The following FANCG variants were observed in gnomAD, a reference collection of about 807,000 sequenced individuals.
FANCG encodes the protein Fanconi anemia group G protein.
Under a neutral mutation model 73.3 loss-of-function variants are expected in FANCG, and 67 were observed. The observed-to-expected ratio is 0.91, with a 90% CI of 0.75 to 1.12. FANCG has a LOEUF of 1.12. Among genes scored for constraint, FANCG ranks in the 50% most tolerant of loss-of-function variants. The pLI, the probability that FANCG is intolerant of heterozygous loss-of-function variation, is 0.00. For missense variants in FANCG, 643 were observed against 735.6 expected (o/e 0.87, Z 1.46); for synonymous variants, 297 against 311.6 (o/e 0.95, Z 0.49).
At chr9:35,076,924 T>C (rs776219739) in intron 6 of FANCG, 47 bp downstream of exon 6, 1 of 1,614,170 alleles carries the variant, frequency 6.2e-7, no homozygotes, top group African/African-American at 1.3e-5. Context: ...CAAAAAGCTA[T>C]ACATAATGCT....
In FANCG at chr9:35,075,901, T is replaced by C. The variant is rs1489366368; in HGVS notation, c.1143+61A>G. ...AAAACAAAAAATTGCAGTCTTGCTG[T>C]ATTTCAAAGGGGACACCAACCCGTC... On this transcript the variant is annotated intron_variant, in intron 9 of 13. Coordinates refer to ENST00000378643, the MANE Select transcript of FANCG (RefSeq NM_004629.2). 1.9e-6 allele frequency: 3 copies of C among 1,590,404 alleles called. No individual in the cohort carries two copies. In the East Asian group the frequency reaches 6.7e-5, roughly 36 times the overall value.
chr9:35,075,483 G>A lies in FANCG; in HGVS notation c.1415C>T (p.Ala472Val). 6.2e-7 allele frequency: 1 copy of A among 1,614,140 alleles called. No individual in the cohort carries two copies. The highest frequency in any genetic ancestry group is 8.5e-7 in the Non-Finnish European group (1 of 1,180,020). The part of the protein sequence containing the change: ...AWVQLGAQKV[A>V]ISEFSRCLEL... ...GGCTCACCTGCTAAATTCACTAATT[G>A]CCACTTTTTGGGCACCCAGTTGAAC... Residue 472 changes from alanine (A) to valine (V), a missense_variant, in exon 10 of 14, where the codon GCA (alanine) becomes GTA (valine). Ala to Val is a moderately conservative substitution (Grantham distance 64, BLOSUM62 0). Transcript: ENST00000378643.
At position 35,074,140 on chromosome 9, in the gene FANCG, G is replaced by T; in HGVS notation, c.1837C>A (p.Arg613=). ...SDRDAFLEEF[R]TSLPKSCDL ...TCACAAGACTTTGGCAGAGATGTCC[G>T]AAATTCTTCAAGGAAGGCGTCACGA... The change falls in exon 14 of 14, where the codon CGG becomes AGG. Residue 613 remains arginine, a synonymous_variant. Transcript: ENST00000378643. 6.2e-7 allele frequency: 1 copy of T among 1,614,194 alleles called. No homozygotes were observed. The highest frequency in any genetic ancestry group is 8.5e-7 in the Non-Finnish European group (1 of 1,180,026).
chr9:35,075,239 A>G (rs764992166), intron 11 of FANCG, 40 bp downstream of exon 11: 1 of 1,611,608 alleles, frequency 6.2e-7, no homozygotes. Context: ...CACCACTACC[A>G]CTTCCAGGAG....
intron 3 of FANCG, 125 bp from the exon 4 acceptor site, chr9:35,078,468 A>C: frequency 1.3e-6 from 2 of 1,517,100 alleles, no homozygotes; most frequent in Non-Finnish European, 1.8e-6. Context: ...TAATACCTCA[A>C]CCTGGTCTGA....
intron 13 of FANCG, 34 bp from the exon 14 acceptor site, chr9:35,074,250 A>C: frequency 6.2e-7 from 1 of 1,612,482 alleles, no homozygotes; most frequent in Non-Finnish European, 8.5e-7. Flanking sequence ...CTAAGGGTGA[A>C]AGATTGGCAG....
chr9:35,076,822 CCT>C lies in FANCG; in HGVS notation c.824_825del (p.Glu275GlyfsTer13), dbSNP rs867467817. 1.2e-6 allele frequency: 2 copies of C among 1,614,176 alleles called. No homozygotes were observed. The highest frequency in any genetic ancestry group is 1.7e-6 in the Non-Finnish European group (2 of 1,180,030). On this transcript the variant is annotated frameshift_variant, in exon 7 of 14. Coordinates refer to ENST00000378643, the MANE Select transcript of FANCG (RefSeq NM_004629.2). LOFTEE classifies it high-confidence loss of function. ...AGAAGTGGAGGACCCCAGGCTGATCCCTCTTTCAGGGCTGCAACCAAGTACAA... is the reference window on the plus strand; with the variant it reads ...AGAAGTGGAGGACCCCAGGCTGATCCCTTTCAGGGCTGCAACCAAGTACAA... ...ALLYLVAALKEGSAWGPPLLE... is the reference protein window; with the variant it reads ...ALLYLVAALKXGSAWGPPLLE...
chr9:35,079,332 G>T lies in FANCG; in HGVS notation c.85-91C>A, dbSNP rs898071272. On this transcript the variant is annotated intron_variant, in intron 1 of 13. Coordinates refer to ENST00000378643, the MANE Select transcript of FANCG (RefSeq NM_004629.2). ...AGGGATGCATTCTCCAGTCATTTCT[G>T]GCTCTTTGGTCAAGCTCAGTCCCTC... 1.9e-6 allele frequency: 3 copies of T among 1,549,316 alleles called. No homozygotes were observed. The African/African-American group carries it at 4.1e-5, about 21-fold the overall frequency.
chr9:35,074,685 A>G (rs1587139000), intron 12 of FANCG, 191 bp from the exon 13 acceptor site: 9 of 881,934 alleles, frequency 1.0e-5, no homozygotes, highest in Non-Finnish European at 1.6e-5. Flanking sequence ...TGTGCAACCC[A>G]CAACAGCAGA....
chr9:35,074,904 C>G (rs375978168), intron 12 of FANCG, 23 bp downstream of exon 12: 2 of 1,613,652 alleles, frequency 1.2e-6, no homozygotes, highest in African/African-American at 2.7e-5. Context: ...TATGCATAGC[C>G]GACGTCATGC....
In FANCG at chr9:35,077,392, G is replaced by A. The variant is rs745480038; in HGVS notation, c.518C>T (p.Ala173Val). Reference sequence around the variant, plus strand: ...CAGAAGTAACAGCAGATCCTTAGAGGCTCCACTCTGGGGAAAGAAGGACAA... The same window carrying A: ...CAGAAGTAACAGCAGATCCTTAGAGACTCCACTCTGGGGAAAGAAGGACAA... ...LETLNGSQSG[A>V]SKDLLLLLKT... The change falls in exon 5 of 14, where the codon GCC (alanine) becomes GTC (valine). Residue 173 changes from alanine (A) to valine (V), a missense_variant. Coordinates refer to ENST00000378643, the MANE Select transcript of FANCG (RefSeq NM_004629.2). 1 of 1,614,064 alleles carries A rather than the reference G, an allele frequency of 6.2e-7. No individual in the cohort carries two copies. The highest frequency in any genetic ancestry group is 8.5e-7 in the Non-Finnish European group (1 of 1,180,018).
At chr9:35,076,404 A>G (rs780448016) in intron 8 of FANCG, 28 bp downstream of exon 8, 38 of 1,612,804 alleles carry the variant, frequency 2.4e-5, no homozygotes, top group Non-Finnish European at 3.1e-5. Flanking sequence ...GTGGGAAGAG[A>G]AGCTCAGGTG....
In FANCG at chr9:35,078,632, G is replaced by A. The variant is rs1471220369; in HGVS notation, c.280C>T (p.Gln94Ter). 6.2e-7 allele frequency: 1 copy of A among 1,614,138 alleles called. No individual in the cohort carries two copies. The highest frequency in any genetic ancestry group is 8.5e-7 in the Non-Finnish European group (1 of 1,180,018). ...CTCTCTAGGCTCCGCTGGATATCCT[G>A]GGCCTGATCCTCTGTGAAACCCTGG... ...LAQGFTEDQA[Q>*]DIQRSLERVL... The change falls in exon 3 of 14, where the codon CAG (glutamine) becomes TAG (stop). Residue 94 changes from glutamine to a stop codon, truncating the protein, a stop_gained. Coordinates refer to ENST00000378643, the MANE Select transcript of FANCG (RefSeq NM_004629.2). LOFTEE classifies it high-confidence loss of function.
At position 35,078,207 on chromosome 9, in the gene FANCG, G is replaced by A; in HGVS notation, c.444C>T (p.Ala148=). ...ALHRLVGLQA[A]LWLSADRLGD... ...CAAGACGGTCAGCACTCAACCAGAG[G>A]GCAGCCTGCAGGCCAACCAGGCGGT... Residue 148 remains alanine, a synonymous_variant, in exon 4 of 14, where the codon GCC becomes GCT. Transcript: ENST00000378643. The A allele has an allele frequency of 6.2e-7, 1 of 1,614,182 alleles. No homozygotes were observed. Among genetic ancestry groups the A allele is most frequent in the South Asian group, 1.1e-5 (1 of 91,086 alleles).
intron 2 of FANCG, 138 bp downstream of exon 2, chr9:35,079,013 G>A (rs962061367): frequency 3.7e-6 from 3 of 817,534 alleles, no homozygotes; most frequent in Non-Finnish European, 6.1e-6. Flanking sequence ...GTACAAAGAT[G>A]ATTCCACTCC....
rs757872457 is a variant in FANCG at position 35,078,236 on chromosome 9, G to A, written c.415C>T (p.Leu139=). 6.2e-7 allele frequency: 1 copy of A among 1,614,162 alleles called. No homozygotes were observed. Among genetic ancestry groups the A allele is most frequent in the South Asian group, 1.1e-5 (1 of 91,080 alleles). ...SCLLPELLSA[L]HRLVGLQAAL... ...GCCTGCAGGCCAACCAGGCGGTGCA[G>A]GGCAGACAGCAGCTCCGGCAGAAGG... Residue 139 remains leucine, a synonymous_variant, in exon 4 of 14, where the codon CTG becomes TTG. Coordinates refer to ENST00000378643, the MANE Select transcript of FANCG (RefSeq NM_004629.2).
intron 9 of FANCG, 27 bp downstream of exon 9, chr9:35,075,935 T>C (rs759859786): frequency 3.1e-6 from 5 of 1,613,366 alleles, no homozygotes; most frequent in Non-Finnish European, 4.2e-6. Context: ...TCTACCCCAT[T>C]GCAGAGAAGC....
chr9:35,073,880 GA>G lies in FANCG; in HGVS notation c.*227del. ...CTCGACAACAGAAAAGGAGAAACAG[GA>G]AAAAAGGTGCCTCGAGCAAAGTCAA... On this transcript the variant is annotated 3_prime_UTR_variant, in exon 14 of 14. Coordinates refer to ENST00000378643, the MANE Select transcript of FANCG (RefSeq NM_004629.2). 9 of 603,910 alleles carry G rather than the reference GA, an allele frequency of 1.5e-5. No individual in the cohort carries two copies. The highest frequency in any genetic ancestry group is 2.4e-5 in the Non-Finnish European group (8 of 338,974). The allele number at this position is 603,910 out of a possible 1,614,324, so 37.4% of individuals were successfully genotyped here.
At chr9:35,076,407 C>T in intron 8 of FANCG, 25 bp downstream of exon 8, 1 of 1,613,096 alleles carries the variant, frequency 6.2e-7, no homozygotes, top group Admixed American at 1.7e-5. Context: ...GGAAGAGAAG[C>T]TCAGGTGAGC....
Sources: gnomAD v4.1 joint callset for allele counts on GRCh38, gnomAD v4.1.1 for gene constraint, MANE v1.5 for transcripts, NCBI Gene and HGNC (gene_info 2026-07-23, HGNC 2026-07-21) for gene names.